The following BRICD5 variants were observed in gnomAD, a reference collection of about 807,000 sequenced individuals.
BRICD5 encodes BRICHOS domain containing 5.
Under a neutral mutation model 28.4 loss-of-function variants are expected in BRICD5, and 51 were observed. That is an observed-to-expected ratio of 1.80 (90% CI 1.43 to 2.27). The LOEUF is 2.27. Among genes scored for constraint, BRICD5 ranks in the 30% most tolerant of loss-of-function variants. BRICD5 has a pLI of 0.00. For synonymous variants in BRICD5, 177 were observed against 130.2 expected, an observed-to-expected ratio of 1.36 and a Z score of -2.44; for missense variants, 456 against 309.6, an observed-to-expected ratio of 1.47 and a Z score of -3.55.
At chr16:2,210,075 G>C in intron 3 of BRICD5, 24 bp from the exon 4 acceptor site, 1 of 1,600,616 alleles carries the variant, frequency 6.2e-7, no homozygotes, top group Non-Finnish European at 8.5e-7. Flanking sequence ...GGGGTGAGGC[G>C]GGGCCCCCCA....
chr16:2,210,697 G>A lies in BRICD5; in HGVS notation c.52-47C>T, dbSNP rs1487753737. On this transcript the variant is annotated intron_variant, in intron 1 of 5. Transcript: ENST00000328540. ...AAGGGTCATGAGGGTTAGACATCAG[G>A]GAGCAAGTGGGCTGGGGAAGGGAGG... 2.5e-6 allele frequency: 4 copies of A among 1,610,512 alleles called. No homozygotes were observed. In the South Asian group the frequency reaches 3.3e-5, roughly 13 times the overall value.
intron 1 of BRICD5, 35 bp from the exon 2 acceptor site, chr16:2,210,685 G>A (rs766598102): frequency 4.3e-5 from 70 of 1,610,846 alleles, no homozygotes; most frequent in Non-Finnish European, 5.6e-5. Context: ...GGTCATGAGG[G>A]TTAGACATCA....
intron 2 of BRICD5, 74 bp downstream of exon 2, chr16:2,210,448 C>A (rs983518004): frequency 1.0e-5 from 16 of 1,543,672 alleles, no homozygotes; most frequent in African/African-American, 1.4e-5. Context: ...CCTTGCTCTG[C>A]TGGAGGCTGG....
At position 2,209,995 on chromosome 16, in the gene BRICD5, C is replaced by G; in HGVS notation, c.393G>C (p.Glu131Asp). ...GCCGCAGGGTCTCCCGATCACTGTCCTCCATCAGGCGGAGGAAGCAGACCT... is the reference window on the plus strand; with the variant it reads ...GCCGCAGGGTCTCCCGATCACTGTCGTCCATCAGGCGGAGGAAGCAGACCT... ...EHQVCFLRLMEDSDRETLRLL... is the reference protein window; with the variant it reads ...EHQVCFLRLMDDSDRETLRLL... The change falls in exon 4 of 6, where the codon GAG becomes GAC. Residue 131 changes from glutamate (E) to aspartate (D), a missense_variant. By Grantham distance (45) the Glu-to-Asp change is conservative (BLOSUM62 2). Coordinates refer to ENST00000328540, the MANE Select transcript of BRICD5 (RefSeq NM_182563.4). 6.4e-7 allele frequency: 1 copy of G among 1,552,664 alleles called. No homozygotes were observed. The highest frequency in any genetic ancestry group is 1.2e-5 in the South Asian group (1 of 82,784).
Position 2,210,061 on chromosome 16 carries a change from C to A in BRICD5, c.337-10G>T. The stretch of plus-strand genomic sequence containing the variant: ...GGTAACAGATGCAGCCCTGGGGAGG[C>A]AGGGGGGTGAGGCGGGGCCCCCCAG... On this transcript the variant is annotated splice_polypyrimidine_tract_variant and intron_variant, in intron 3 of 5. Coordinates refer to ENST00000328540, the MANE Select transcript of BRICD5 (RefSeq NM_182563.4). 6 of 1,600,490 alleles carry A rather than the reference C, an allele frequency of 3.7e-6. No homozygotes were observed. The highest frequency in any genetic ancestry group is 5.1e-6 in the Non-Finnish European group (6 of 1,173,414).
Position 2,210,603 on chromosome 16 carries a change from G to C in BRICD5, c.99C>G (p.Leu33=), listed in dbSNP as rs750690684. 2 of 1,612,470 alleles carry C rather than the reference G, an allele frequency of 1.2e-6. No homozygotes were observed. The highest frequency in any genetic ancestry group is 1.1e-5 in the South Asian group (1 of 91,040). The part of the protein sequence containing the change: ...SCGGWRAVSL[L]LLLLLLVLAA... ...CCAGCACCAGCAGCAGCAGCAGCAGGAGCAGGCTCACGGCTCTCCAGCCCC... is the reference window on the plus strand; with the variant it reads ...CCAGCACCAGCAGCAGCAGCAGCAGCAGCAGGCTCACGGCTCTCCAGCCCC... The change falls in exon 2 of 6, where the codon CTC becomes CTG. Residue 33 remains leucine (L), a synonymous_variant. Transcript: ENST00000328540.
chr16:2,210,321 A>G (rs1596736378), intron 2 of BRICD5, 40 bp from the exon 3 acceptor site: 1 of 1,503,436 alleles, frequency 6.7e-7, no homozygotes, highest in Non-Finnish European at 8.9e-7. Context: ...CAGCTGTGCA[A>G]CCCCAGCACA....
At position 2,210,805 on chromosome 16, in the gene BRICD5, C is replaced by T. The variant is rs137984071; in HGVS notation, c.29G>A (p.Arg10His). MEPASCCAE[R>H]PKPGPTGVKT... ...CACCCCTGTAGGCCCAGGTTTGGGGCGCTCAGCACAGCAGCTTGCTGGTTC... is the reference window on the plus strand; with the variant it reads ...CACCCCTGTAGGCCCAGGTTTGGGGTGCTCAGCACAGCAGCTTGCTGGTTC... Residue 10 changes from arginine (R) to histidine (H), a missense_variant, in exon 1 of 6, where the codon CGC becomes CAC. Physicochemically the swap from Arg to His is conservative, Grantham distance 29. Transcript: ENST00000328540. 1.4e-4 allele frequency: 228 copies of T among 1,604,902 alleles called. 1 individual carries two copies. The East Asian group carries it at 3.8e-3, about 27-fold the overall frequency.
At position 2,209,994 on chromosome 16, in the gene BRICD5, C is replaced by T. The variant is rs771654663; in HGVS notation, c.394G>A (p.Asp132Asn). ...HQVCFLRLME[D>N]SDRETLRLLV... ...AGCCGCAGGGTCTCCCGATCACTGT[C>T]CTCCATCAGGCGGAGGAAGCAGACC... Residue 132 changes from aspartate to asparagine, a missense_variant, in exon 4 of 6, where the codon GAC becomes AAC. Physicochemically the swap from Asp to Asn is conservative, Grantham distance 23 (BLOSUM62 1). Transcript: ENST00000328540. 9.0e-6 allele frequency: 14 copies of T among 1,552,564 alleles called. No homozygotes were observed. In the South Asian group the frequency reaches 1.2e-4, roughly 13 times the overall value.
chr16:2,209,972 C>T lies in BRICD5; in HGVS notation c.416G>A (p.Arg139Gln), dbSNP rs376368009. Residue 139 changes from arginine (R) to glutamine (Q), a missense_variant, in exon 4 of 6, where the codon CGG becomes CAG. By Grantham distance (43) the Arg-to-Gln change is conservative. Transcript: ENST00000328540. ...CACCTTGGAGGTATCCACCAGCAGCCGCAGGGTCTCCCGATCACTGTCCTC... is the reference window on the plus strand; with the variant it reads ...CACCTTGGAGGTATCCACCAGCAGCTGCAGGGTCTCCCGATCACTGTCCTC... ...LMEDSDRETL[R>Q]LLVDTSKVQE... 2.0e-5 allele frequency: 31 copies of T among 1,535,090 alleles called. No homozygotes were observed. Among genetic ancestry groups the T allele is most frequent in the Admixed American group, 1.4e-4 (7 of 50,728 alleles).
Position 2,209,562 on chromosome 16 carries a change from G to T in BRICD5, c.583C>A (p.Arg195=). The change falls in exon 5 of 6, where the codon CGA becomes AGA. Residue 195 remains arginine, a synonymous_variant. Coordinates refer to ENST00000328540, the MANE Select transcript of BRICD5 (RefSeq NM_182563.4). ...AGCGGTCCTGACTCACCCTCTGCTC[G>T]CCGGGCCCAGTAGATGGGGGTCCTC... ...CMRTPIYWAR[R]AEGPRRQRLI... is the part of the protein sequence containing the mutation. The T allele has an allele frequency of 6.2e-7, 1 of 1,611,862 alleles. No individual in the cohort carries two copies. The highest frequency in any genetic ancestry group is 8.5e-7 in the Non-Finnish European group (1 of 1,179,998).
Position 2,209,709 on chromosome 16 carries a change from G to A in BRICD5, c.439-3C>T. On this transcript the variant is annotated splice_region_variant and splice_polypyrimidine_tract_variant and intron_variant, in intron 4 of 5. Coordinates refer to ENST00000328540, the MANE Select transcript of BRICD5 (RefSeq NM_182563.4). ...CTGGGGACCCAAGCCTCTTGGACCT[G>A]TTGAGAAGGCTCTGGTGGGCGGTGG... The A allele has an allele frequency of 6.2e-7, 1 of 1,603,482 alleles. No homozygotes were observed. Among genetic ancestry groups the A allele is most frequent in the African/African-American group, 1.3e-5 (1 of 74,642 alleles).
In BRICD5 at chr16:2,210,854, TGTGCC is replaced by T. The variant is rs2093371330; in HGVS notation, c.-26_-22del. ...TCCATCCTGCAGCCCCTGCTCACAA[TGTGCC>T]GATTGTCTGCGTCCCTTGTCTGCAG... is the stretch of plus-strand genomic sequence containing the variant. On this transcript the variant is annotated 5_prime_UTR_variant, in exon 1 of 6. Transcript: ENST00000328540. 1 of 1,600,318 alleles carries T rather than the reference TGTGCC, an allele frequency of 6.2e-7. No homozygotes were observed.
chr16:2,209,411 A>T lies in BRICD5; in HGVS notation c.638T>A (p.Phe213Tyr), dbSNP rs758868939. 6.2e-7 allele frequency: 1 copy of T among 1,613,664 alleles called. No individual in the cohort carries two copies. The highest frequency in any genetic ancestry group is 2.2e-5 in the East Asian group (1 of 44,884). Residue 213 changes from phenylalanine (F) to tyrosine (Y), a missense_variant, in exon 6 of 6, where the codon TTC (phenylalanine) becomes TAC (tyrosine). By Grantham distance (22) the Phe-to-Tyr change is conservative. Coordinates refer to ENST00000328540, the MANE Select transcript of BRICD5 (RefSeq NM_182563.4). The stretch of plus-strand genomic sequence containing the variant: ...GACCGACACGCAGATGTTGCTCGGG[A>T]AGCAGATGTCGATGCAGAGATAAAT... ...RLIYLCIDIC[F>Y]PSNICVSVCF...
Position 2,209,349 on chromosome 16 carries a change from C to A in BRICD5, c.*13G>T. 6.2e-7 allele frequency: 1 copy of A among 1,606,150 alleles called. No individual in the cohort carries two copies. The highest frequency in any genetic ancestry group is 8.5e-7 in the Non-Finnish European group (1 of 1,174,448). ...TGGATTGGGGACGGGCCAGGCTGGGCCAGGTCGGGGGCTCAGTCTGGGAGG... is the reference window on the plus strand; with the variant it reads ...TGGATTGGGGACGGGCCAGGCTGGGACAGGTCGGGGGCTCAGTCTGGGAGG... On this transcript the variant is annotated 3_prime_UTR_variant, in exon 6 of 6. Transcript: ENST00000328540.
Position 2,210,340 on chromosome 16 carries a change from C to G in BRICD5, c.181-59G>C, listed in dbSNP as rs866285040. On this transcript the variant is annotated intron_variant, in intron 2 of 5. Transcript: ENST00000328540. Reference sequence around the variant, plus strand: ...TGTGCAACCCCAGCACAGCCTCCAGCTCTGGGCTGCAGGACTCCTGACACC... The same window carrying G: ...TGTGCAACCCCAGCACAGCCTCCAGGTCTGGGCTGCAGGACTCCTGACACC... The G allele has an allele frequency of 2.7e-6, 4 of 1,509,434 alleles. No homozygotes were observed. In the African/African-American group the frequency reaches 5.5e-5, roughly 21 times the overall value. The allele number at this position is 1,509,434 out of a possible 1,614,324, so 93.5% of individuals were successfully genotyped here. A position where few individuals can be genotyped will look rare whatever the true frequency, so the allele number is the denominator to read the frequency against.
chr16:2,209,479 C>T (rs199992378), intron 5 of BRICD5, 23 bp from the exon 6 acceptor site: 3 of 1,613,308 alleles, frequency 1.9e-6, no homozygotes, highest in South Asian at 1.1e-5. Flanking sequence ...TGCCGTGAAT[C>T]TCCAAGGGCT....
At chr16:2,209,850 G>C (rs1252714706) in intron 4 of BRICD5, 100 bp downstream of exon 4, 1 of 1,389,062 alleles carries the variant, frequency 7.2e-7, no homozygotes, top group Non-Finnish European at 9.7e-7. Context: ...AGAGCTTCCT[G>C]TTCCCTGAAA....
At position 2,210,507 on chromosome 16, in the gene BRICD5, TGAG is replaced by T; in HGVS notation, c.180+12_180+14del. ...TTTCCACTGTCCATGTCCCTGGTGC[TGAG>T]GAGGGGCTCACCTTGGGAGGGCCCT... On this transcript the variant is annotated intron_variant, in intron 2 of 5. Coordinates refer to ENST00000328540, the MANE Select transcript of BRICD5 (RefSeq NM_182563.4). 1 of 1,594,918 alleles carries T rather than the reference TGAG, an allele frequency of 6.3e-7. No homozygotes were observed. The highest frequency in any genetic ancestry group is 8.5e-7 in the Non-Finnish European group (1 of 1,169,722).
Sources: allele counts gnomAD v4.1 joint callset, GRCh38; gene constraint gnomAD v4.1.1; transcripts MANE v1.5; gene names NCBI Gene and HGNC (gene_info 2026-07-23, HGNC 2026-07-21).